Variants in RHOBTB2 observed in about 807,000 individuals in gnomAD.
RHOBTB2 encodes the protein rho-related BTB domain-containing protein 2.
RHOBTB2 carries 39 observed loss-of-function variants against 66.5 expected under a neutral mutation model. The ratio of observed to expected loss-of-function variants is 0.59; its 90% CI spans 0.45 to 0.77. RHOBTB2 has a LOEUF of 0.77. RHOBTB2 is among the 30% of genes least tolerant of loss of function. RHOBTB2 has a pLI of 0.00. For synonymous variants in RHOBTB2, 390 were observed against 395.0 expected, an observed-to-expected ratio of 0.99 and a Z score of 0.15; for missense variants, 755 against 999.1, an observed-to-expected ratio of 0.76 and a Z score of 3.29.
At chr8:22,965,496 A>C in the RHOBTB2 span, among the ~76,000 whole-genome samples, 1 of 152,202 alleles carries the variant, frequency 6.6e-6, no homozygotes, top group African/African-American at 2.4e-5. Context: ...AAAGCACAAT[A>C]AAGTTAGAAG....
At chr8:22,999,481 C>A, upstream of RHOBTB2, 1 of 934,198 alleles carries the variant, frequency 1.1e-6, no homozygotes, top group African/African-American at 1.8e-5. Flanking sequence ...GTCCAATCCC[C>A]TTCTTCCCCC....
chr8:23,011,831 C>T (rs929443276), intron 7 of RHOBTB2, among the ~76,000 whole-genome samples: 1 of 152,154 alleles, frequency 6.6e-6, no homozygotes, highest in Non-Finnish European at 1.5e-5. Context: ...AGTTGAGATT[C>T]AGGGAAGAAC....
upstream of RHOBTB2, among the ~76,000 whole-genome samples, chr8:22,982,895 T>A (rs1810233571): frequency 6.6e-6 from 1 of 152,224 alleles, no homozygotes; most frequent in Non-Finnish European, 1.5e-5. Context: ...GCCTTCTGGC[T>A]GCTTCCTCTC....
chr8:22,976,047 G>A, the RHOBTB2 span, among the ~76,000 whole-genome samples: 2 of 152,160 alleles, frequency 1.3e-5, no homozygotes, highest in African/African-American at 4.8e-5. Context: ...TCAGGAGGCT[G>A]AGCCAGGAGA....
In RHOBTB2 at chr8:22,991,211, C is replaced by T. The variant is rs77893205; in HGVS notation, c.-136-857C>T. Among the ~76,000 whole-genome samples, 433 of 152,236 alleles carry T rather than the reference C, an allele frequency of 2.8e-3. 5 individuals carry two copies. Among genetic ancestry groups the T allele is most frequent in the African/African-American group, 0.01 (419 of 41,538 alleles). On this transcript the variant is annotated intron_variant, in intron 1 of 11. Coordinates refer to the RHOBTB2 transcript ENST00000519685. ...CCTGTGGGCTTCTCATCACTGTCAG[C>T]ACCTCAGGAAACTTCTGGCCGGCTT...
Position 23,017,138 on chromosome 8 carries a change from T to C in RHOBTB2, c.1967-114T>C. On this transcript the variant is annotated intron_variant, in intron 9 of 9. Transcript: ENST00000251822. The surrounding 1 kb of genome is among the most constrained non-coding windows in gnomAD (Gnocchi z 5.3). ...TGTGCCGTGGGTCATGGGGATGTGC[T>C]GGGGGCTGGGCTGGAGGCCTGCTGC... 1 of 1,368,982 alleles carries C rather than the reference T, an allele frequency of 7.3e-7. No individual in the cohort carries two copies. The highest frequency in any genetic ancestry group is 1.8e-5 in the Admixed American group (1 of 55,152). The allele number at this position is 1,368,982 out of a possible 1,614,324, so 84.8% of individuals were successfully genotyped here.
upstream of RHOBTB2, among the ~76,000 whole-genome samples, chr8:22,996,103 G>A (rs1235068014): frequency 1.3e-5 from 2 of 152,252 alleles, no homozygotes; most frequent in Non-Finnish European, 2.9e-5. Context: ...AAAGCCTCCT[G>A]TTCACAGGCA....
chr8:23,001,044 T>G (rs1810763225), intron 1 of RHOBTB2, among the ~76,000 whole-genome samples: 1 of 152,124 alleles, frequency 6.6e-6, no homozygotes. Flanking sequence ...GTAGCTAATT[T>G]CAGCACACCT....
Position 23,017,329 on chromosome 8 carries a change from C to T in RHOBTB2, c.2044C>T (p.Arg682Trp), listed in dbSNP as rs371598054. 40 of 1,614,088 alleles carry T rather than the reference C, an allele frequency of 2.5e-5. No homozygotes were observed. Among genetic ancestry groups the T allele is most frequent in the African/African-American group, 9.3e-5 (7 of 74,924 alleles). ...LKEEDHYQRA[R>W]KEREKEDYLH... Reference sequence around the variant, plus strand: ...GGAGGAAGATCATTACCAGCGGGCACGGAAGGAGCGTGAGAAGGAGGACTA... The same window carrying T: ...GGAGGAAGATCATTACCAGCGGGCATGGAAGGAGCGTGAGAAGGAGGACTA... Residue 682 changes from arginine to tryptophan, a missense_variant, in exon 10 of 10, where the codon CGG becomes TGG. Transcript: ENST00000251822. The surrounding 1 kb of genome is among the most constrained non-coding windows in gnomAD (Gnocchi z 5.3).
Position 22,999,759 on chromosome 8 carries a change from C to A in RHOBTB2, c.-357C>A. The A allele has an allele frequency of 1.0e-6, 1 of 996,182 alleles. No individual in the cohort carries two copies. Among genetic ancestry groups the A allele is most frequent in the Non-Finnish European group, 1.2e-6 (1 of 838,880 alleles). 61.7% of individuals were successfully genotyped at this position (996,182 alleles called of 1,614,324 possible). On this transcript the variant is annotated 5_prime_UTR_variant, in exon 1 of 10. Coordinates refer to ENST00000251822, the MANE Select transcript of RHOBTB2 (RefSeq NM_015178.3). ...GCGTAGCGGCGGCGGCCTCGCCCCT[C>A]TCCCGGCGCCCCTGCGCGCCGCCCG...
the RHOBTB2 span, among the ~76,000 whole-genome samples, chr8:22,958,398 G>A: frequency 6.6e-6 from 1 of 152,224 alleles, no homozygotes; most frequent in Non-Finnish European, 1.5e-5. Flanking sequence ...CTGGGGCATA[G>A]TGTGGGGTAA....
intron 1 of RHOBTB2, among the ~76,000 whole-genome samples, chr8:22,990,737 C>T (rs948262006): frequency 3.3e-5 from 5 of 152,148 alleles, no homozygotes; most frequent in Non-Finnish European, 7.3e-5. Flanking sequence ...CACCCTGAAC[C>T]GTGTGTCCAA....
chr8:23,008,023 T>G lies in RHOBTB2; in HGVS notation c.1532T>G (p.Ile511Ser). The G allele has an allele frequency of 6.2e-7, 1 of 1,613,924 alleles. No individual in the cohort carries two copies. The highest frequency in any genetic ancestry group is 8.5e-7 in the Non-Finnish European group (1 of 1,179,950). Reference sequence around the variant, plus strand: ...ACCTTCATCCTGGATGATGGCACCATCAGCGCCCACAAGCCCCTGTTGATT... The same window carrying G: ...ACCTTCATCCTGGATGATGGCACCAGCAGCGCCCACAAGCCCCTGTTGATT... ...DVTFILDDGT[I>S]SAHKPLLISS... The change falls in exon 6 of 10, where the codon ATC becomes AGC. Residue 511 changes from isoleucine to serine, a missense_variant. By Grantham distance (142) the Ile-to-Ser change is moderately radical. Transcript: ENST00000251822.
At chr8:23,003,586 G>C (rs1193949867) in intron 1 of RHOBTB2, among the ~76,000 whole-genome samples, 1 of 152,242 alleles carries the variant, frequency 6.6e-6, no homozygotes, top group Non-Finnish European at 1.5e-5. Flanking sequence ...TGGGGGCAGG[G>C]TGCTGGGAGG....
At chr8:23,014,010 A>C (rs772011749) in intron 7 of RHOBTB2, among the ~76,000 whole-genome samples, 3 of 152,188 alleles carry the variant, frequency 2.0e-5, no homozygotes, top group Non-Finnish European at 4.4e-5. Context: ...CCATTTCTCC[A>C]GGAAGTCCTA....
chr8:23,000,012 G>C lies in RHOBTB2; in HGVS notation c.-104G>C. The stretch of plus-strand genomic sequence containing the variant: ...GCCGGCGTCGTCCCAACTTGCAGGC[G>C]CGGAGGGACCCCTGACATTTCACTA... On this transcript the variant is annotated 5_prime_UTR_variant, in exon 1 of 10. Coordinates refer to ENST00000251822, the MANE Select transcript of RHOBTB2 (RefSeq NM_015178.3). The C allele has an allele frequency of 1.0e-6, 1 of 985,626 alleles. No homozygotes were observed. The highest frequency in any genetic ancestry group is 1.2e-6 in the Non-Finnish European group (1 of 830,056). 61.1% of individuals were successfully genotyped at this position (985,626 alleles called of 1,614,324 possible).
intron 6 of RHOBTB2, among the ~76,000 whole-genome samples, chr8:23,009,083 G>A (rs140281389): frequency 6.6e-6 from 1 of 151,884 alleles, no homozygotes; most frequent in African/African-American, 2.4e-5. Flanking sequence ...GCACTTTGAG[G>A]GGCTGAGGTG....
At chr8:22,987,166 G>A (rs12155972), upstream of RHOBTB2, among the ~76,000 whole-genome samples, 36,435 of 152,230 alleles carry the variant, frequency 0.24, 5,158 homozygotes, top group East Asian at 0.4. Flanking sequence ...AGAAGAACAG[G>A]CCAGGACAAT....
chr8:22,950,938 C>G, the RHOBTB2 span, among the ~76,000 whole-genome samples: 1 of 152,226 alleles, frequency 6.6e-6, no homozygotes, highest in Non-Finnish European at 1.5e-5. Context: ...TGCCGGCATT[C>G]ACCGCTGCAA....
Sources: allele counts gnomAD v4.1 joint callset (sites outside exome capture counted in the v4.1 genomes callset), GRCh38; gene constraint gnomAD v4.1.1; non-coding constraint Gnocchi (gnomAD v3.1); transcripts MANE v1.5; gene names NCBI Gene and HGNC (gene_info 2026-07-23, HGNC 2026-07-21).